The following CASZ1 variants were observed in gnomAD, a reference collection of about 807,000 sequenced individuals.
The protein encoded by CASZ1 is castor zinc finger 1.
In CASZ1, 28 loss-of-function variants were observed where a neutral mutation model predicts 135.2. That is an observed-to-expected ratio of 0.21 (90% CI 0.15 to 0.28). CASZ1 has a LOEUF of 0.28. Ranked by LOEUF, CASZ1 falls within the 10% of genes least tolerant of loss-of-function variation. The pLI, the probability that CASZ1 is intolerant of heterozygous loss-of-function variation, is 1.00. For synonymous variants in CASZ1, 1,068 were observed against 1,073.4 expected, an observed-to-expected ratio of 0.99 and a Z score of 0.10; for missense variants, 2,161 against 2,453.3, an observed-to-expected ratio of 0.88 and a Z score of 2.52.
chr1:10,753,667 C>G (rs868467434), intron 2 of CASZ1, among the ~76,000 whole-genome samples: 1 of 152,134 alleles, frequency 6.6e-6, no homozygotes, highest in Non-Finnish European at 1.5e-5. Context: ...CCAGAAGGAC[C>G]GGGGAAAGGA....
intron 1 of CASZ1, among the ~76,000 whole-genome samples, chr1:10,763,181 G>A (rs551248010): frequency 5.9e-5 from 9 of 152,304 alleles, no homozygotes; most frequent in Admixed American, 3.9e-4. Flanking sequence ...CCCAGGCCCC[G>A]GGGGCCATGG....
chr1:10,639,956 C>T lies in CASZ1; in HGVS notation c.4266G>A (p.Arg1422=). ...FGKRRKTASS[R]KMLDEGMMLE... ...GCATCATGCCCTCGTCCAGCATCTT[C>T]CGGGAGGACGCCGTCTTCCGCCGCT... The change falls in exon 21 of 21, where the codon CGG becomes CGA. Residue 1422 remains arginine (R), a synonymous_variant. Coordinates refer to ENST00000377022, the MANE Select transcript of CASZ1 (RefSeq NM_001079843.3). The surrounding 1 kb of genome is among the most constrained non-coding windows in gnomAD (Gnocchi z 4.0). The T allele has an allele frequency of 1.2e-6, 2 of 1,612,944 alleles. No homozygotes were observed. Among genetic ancestry groups the T allele is most frequent in the Non-Finnish European group, 1.7e-6 (2 of 1,180,022 alleles).
chr1:10,692,325 C>T (rs1325278861), intron 4 of CASZ1, among the ~76,000 whole-genome samples: 1 of 152,218 alleles, frequency 6.6e-6, no homozygotes, highest in East Asian at 1.9e-4. Context: ...AGCAGAGGCT[C>T]TCCTGCCCCA....
chr1:10,674,809 T>C (rs1643514501), intron 4 of CASZ1, among the ~76,000 whole-genome samples: 1 of 152,102 alleles, frequency 6.6e-6, no homozygotes, highest in African/African-American at 2.4e-5. Flanking sequence ...CCTGCTCCCA[T>C]CCCCGCTAAA....
At chr1:10,645,116 C>T (rs752650125) in intron 17 of CASZ1, 28 bp from the exon 18 acceptor site, 2 of 1,604,028 alleles carry the variant, frequency 1.2e-6, no homozygotes, top group Non-Finnish European at 1.7e-6. Context: ...AGGGTCAGGA[C>T]AGGCGGGTGA....
At chr1:10,705,637 C>T (rs548533304) in intron 2 of CASZ1, 93 bp from the exon 3 acceptor site, 2 of 152,404 alleles carry the variant, frequency 1.3e-5, no homozygotes, top group Admixed American at 6.5e-5. Flanking sequence ...CCAGGCGCTC[C>T]CTGCCCCACA....
At chr1:10,678,262 G>A in intron 4 of CASZ1, among the ~76,000 whole-genome samples, 1 of 152,254 alleles carries the variant, frequency 6.6e-6, no homozygotes, top group East Asian at 1.9e-4. Flanking sequence ...ACGAGGACAT[G>A]AGGGGACTAA....
At chr1:10,743,287 T>A (rs919976635) in intron 2 of CASZ1, among the ~76,000 whole-genome samples, 8 of 151,800 alleles carry the variant, frequency 5.3e-5, no homozygotes, top group African/African-American at 1.5e-4. Context: ...AGGGAGACAT[T>A]CAAGGGTGAG....
In CASZ1 at chr1:10,701,005, C is replaced by T. The variant is rs1379476472; in HGVS notation, c.-24+4487G>A. 1.3e-5 allele frequency among the ~76,000 whole-genome samples: 2 copies of T among 152,330 alleles called. No individual in the cohort carries two copies. Among genetic ancestry groups the T allele is most frequent in the South Asian group, 2.1e-4 (1 of 4,824 alleles). The stretch of plus-strand genomic sequence containing the variant: ...AGTTGTTGTCACACAGCACTCAGCC[C>T]GCACACAGTCAGTGCTCAATAAGGA... On this transcript the variant is annotated intron_variant, in intron 3 of 20. Coordinates refer to ENST00000377022, the MANE Select transcript of CASZ1 (RefSeq NM_001079843.3). The surrounding 1 kb of genome is among the most constrained non-coding windows in gnomAD (Gnocchi z 6.3).
Position 10,647,915 on chromosome 1 carries a change from T to C in CASZ1, c.3383A>G (p.Gln1128Arg), listed in dbSNP as rs776627737. 6.2e-7 allele frequency: 1 copy of C among 1,612,642 alleles called. No homozygotes were observed. The highest frequency in any genetic ancestry group is 8.5e-7 in the Non-Finnish European group (1 of 1,179,610). The change falls in exon 16 of 21, where the codon CAG (glutamine) becomes CGG (arginine). Residue 1128 changes from glutamine to arginine, a missense_variant. Physicochemically the swap from Gln to Arg is conservative, Grantham distance 43 (BLOSUM62 1). This residue lies in a region of CASZ1 where 349 missense variants were observed against 460.8 expected (regional missense o/e 0.76). Coordinates refer to ENST00000377022, the MANE Select transcript of CASZ1 (RefSeq NM_001079843.3). This position sits in a 1 kb window ranked among gnomAD's most constrained non-coding sequence, Gnocchi z 4.9. The stretch of plus-strand genomic sequence containing the variant: ...CACTGACGCTGGGATCTGAGGCATC[T>C]GGGGTATGGTGGAAGCCAGCTGCTT... ...AWKQLASTIPQMPQIPASVPH... is the reference protein window; with the variant it reads ...AWKQLASTIPRMPQIPASVPH...
intron 4 of CASZ1, among the ~76,000 whole-genome samples, chr1:10,690,309 T>G (rs1452724450): frequency 6.6e-6 from 1 of 152,142 alleles, no homozygotes; most frequent in East Asian, 1.9e-4. Flanking sequence ...TGGTTGACAC[T>G]CAGGGCAGGG....
At chr1:10,664,635 AG>A (rs1643167237) in intron 5 of CASZ1, among the ~76,000 whole-genome samples, 1 of 151,926 alleles carries the variant, frequency 6.6e-6, no homozygotes. Flanking sequence ...CTCCGTAAGT[AG>A]CAGAATGTGC....
chr1:10,678,989 T>TGCCC (rs1350472187), intron 4 of CASZ1, among the ~76,000 whole-genome samples: 1 of 152,160 alleles, frequency 6.6e-6, no homozygotes, highest in African/African-American at 2.4e-5. Context: ...GACGCCCGTC[T>TGCCC]GCCCGCCCGC....
chr1:10,648,791 C>T (rs576396256), intron 15 of CASZ1: 62 of 462,896 alleles, frequency 1.3e-4, no homozygotes, highest in African/African-American at 1.0e-3. Context: ...GCAGGGAGCA[C>T]GTGCTGGGAC....
rs367963586 is a variant in CASZ1, at chr1:10,653,960, G to C, written c.2097C>G (p.Ser699=). 1 of 1,613,824 alleles carries C rather than the reference G, an allele frequency of 6.2e-7. No homozygotes were observed. Among genetic ancestry groups the C allele is most frequent in the Non-Finnish European group, 8.5e-7 (1 of 1,179,830 alleles). ...KRKHERRHIR[S]SGALGLPPSL... is the part of the protein sequence containing the mutation. ...AGGGCGGCAGCCCCAGCGCGCCCGA[G>C]GAGCGGATGTGCCGGCGCTCATGCT... is the stretch of plus-strand genomic sequence containing the variant. Residue 699 remains serine (S), a synonymous_variant, in exon 11 of 21, where the codon TCC becomes TCG. Coordinates refer to ENST00000377022, the MANE Select transcript of CASZ1 (RefSeq NM_001079843.3).
chr1:10,748,339 T>C (rs948129193), intron 2 of CASZ1, among the ~76,000 whole-genome samples: 5 of 152,076 alleles, frequency 3.3e-5, no homozygotes, highest in Non-Finnish European at 2.9e-5. Flanking sequence ...CCATTTCCTT[T>C]CCCGTTTCTC....
chr1:10,759,811 G>A lies in CASZ1; in HGVS notation c.-77+890C>T, dbSNP rs1003597356. Among the ~76,000 whole-genome samples, 14 of 151,924 alleles carry A rather than the reference G, an allele frequency of 9.2e-5. No homozygotes were observed. The highest frequency in any genetic ancestry group is 3.4e-4 in the African/African-American group (14 of 41,320). ...CAGGCTGGCACACATAGGAAGAGCA[G>A]CCCCCGGCCCTGCCCTCCCCAGACA... On this transcript the variant is annotated intron_variant, in intron 2 of 20. Coordinates refer to ENST00000377022, the MANE Select transcript of CASZ1 (RefSeq NM_001079843.3). This position sits in a 1 kb window ranked among gnomAD's most constrained non-coding sequence, Gnocchi z 4.2.
intron 1 of CASZ1, among the ~76,000 whole-genome samples, chr1:10,792,546 C>A (rs1320062750): frequency 6.6e-6 from 1 of 151,948 alleles, no homozygotes; most frequent in South Asian, 2.1e-4. Context: ...CCCAAAGGAT[C>A]ATTAGGAAAT....
Position 10,777,229 on chromosome 1 carries a change from G to A in CASZ1, c.-233-16372C>T, listed in dbSNP as rs1640677504. ...CACACAGGTGTCTCTGAGCCCACCCGAGCCTCGGAAGCTCAGCTGGGAATC... is the reference window on the plus strand; with the variant it reads ...CACACAGGTGTCTCTGAGCCCACCCAAGCCTCGGAAGCTCAGCTGGGAATC... On this transcript the variant is annotated intron_variant, in intron 1 of 20. Transcript: ENST00000377022. This position sits in a 1 kb window ranked among gnomAD's most constrained non-coding sequence, Gnocchi z 4.4. Among the ~76,000 whole-genome samples, 1 of 152,114 alleles carries A rather than the reference G, an allele frequency of 6.6e-6. No homozygotes were observed. The highest frequency in any genetic ancestry group is 1.5e-5 in the Non-Finnish European group (1 of 68,026).
Sources: gnomAD v4.1 joint callset for allele counts (sites outside exome capture counted in the v4.1 genomes callset) on GRCh38, gnomAD v4.1.1 for gene constraint, gnomAD v4.1.1 regional missense constraint, Gnocchi (gnomAD v3.1) non-coding constraint, MANE v1.5 for transcripts, NCBI Gene and HGNC (gene_info 2026-07-23, HGNC 2026-07-21) for gene names.